The following POLA1 variants were observed in gnomAD, a reference collection of about 807,000 sequenced individuals.
POLA1 encodes the protein DNA polymerase alpha catalytic subunit.
Under a neutral mutation model 124.0 loss-of-function variants are expected in POLA1, and 15 were observed. The ratio of observed to expected loss-of-function variants is 0.12; its 90% CI spans 0.08 to 0.19. POLA1 has a LOEUF of 0.19. Ranked by LOEUF, POLA1 falls within the 10% of genes least tolerant of loss-of-function variation. POLA1 has a pLI of 1.00. For synonymous variants in POLA1, 408 were observed against 389.4 expected (o/e 1.05, Z -0.56); for missense variants, 886 against 1,103.4 (o/e 0.80, Z 2.79).
intron 26 of POLA1, among the ~76,000 whole-genome samples, chrX:24,801,421 C>T (rs927795875): frequency 9.0e-6 from 1 of 111,690 alleles, no homozygotes; most frequent in African/African-American, 3.3e-5. Context: ...TGAATTATTA[C>T]TTTGTGCCAG....
chrX:24,810,453 A>G (rs1411440424), intron 27 of POLA1, among the ~76,000 whole-genome samples: 4 of 111,315 alleles, frequency 3.6e-5, no homozygotes, highest in Non-Finnish European at 7.5e-5. Context: ...TTGAAACTAG[A>G]CACAATTCTC....
At chrX:24,796,522 G>A (rs1029124285) in intron 26 of POLA1, among the ~76,000 whole-genome samples, 2 of 110,246 alleles carry the variant, frequency 1.8e-5, no homozygotes, top group Non-Finnish European at 3.8e-5. Context: ...GAGGAATGAG[G>A]AATCAGGAGA....
intron 35 of POLA1, among the ~76,000 whole-genome samples, chrX:24,894,235 A>G (rs1366702821): frequency 1.2e-4 from 13 of 112,418 alleles, no homozygotes; most frequent in African/African-American, 4.2e-4. Flanking sequence ...TTTTCTAGGT[A>G]GTAAATTTCT....
intron 32 of POLA1, among the ~76,000 whole-genome samples, chrX:24,836,734 C>A (rs1366847706): frequency 9.0e-6 from 1 of 111,154 alleles, no homozygotes; most frequent in Non-Finnish European, 1.9e-5. Context: ...GTTCTAATTA[C>A]GAGTCTTTTG....
intron 26 of POLA1, among the ~76,000 whole-genome samples, chrX:24,758,568 G>C (rs1177315602): frequency 8.9e-6 from 1 of 112,657 alleles, no homozygotes; most frequent in Non-Finnish European, 1.9e-5. Flanking sequence ...AGAAAGACTA[G>C]GTCAAATCTT....
At chrX:24,752,025 G>T (rs2148410124) in intron 26 of POLA1, among the ~76,000 whole-genome samples, 1 of 111,761 alleles carries the variant, frequency 8.9e-6, no homozygotes, top group African/African-American at 3.2e-5. Context: ...ATAAAATTTT[G>T]CATTTGGATG....
chrX:24,706,684 C>T (rs1928831601), intron 4 of POLA1, among the ~76,000 whole-genome samples: 1 of 111,777 alleles, frequency 8.9e-6, no homozygotes, highest in African/African-American at 3.2e-5. Flanking sequence ...TACTAACAAC[C>T]TTTCTAAGTA....
At chrX:24,928,766 C>CT (rs772647674) in intron 35 of POLA1, among the ~76,000 whole-genome samples, 1 of 111,524 alleles carries the variant, frequency 9.0e-6, no homozygotes. Flanking sequence ...TGTCGTCCTC[C>CT]TTTTTTTTCC....
chrX:24,836,923 A>G (rs1453606825), intron 32 of POLA1, among the ~76,000 whole-genome samples: 1 of 111,830 alleles, frequency 8.9e-6, no homozygotes, highest in African/African-American at 3.2e-5. Context: ...CGTAGCCTGA[A>G]GGCAGTTTTA....
chrX:24,956,083 C>T (rs1490141224), intron 36 of POLA1, among the ~76,000 whole-genome samples: 1 of 108,532 alleles, frequency 9.2e-6, no homozygotes, highest in African/African-American at 3.4e-5. Context: ...CATTTGAGGC[C>T]AGGAGTTATA....
chrX:24,725,765 T>C (rs1045708670), intron 12 of POLA1, among the ~76,000 whole-genome samples: 8 of 112,239 alleles, frequency 7.1e-5, no homozygotes, highest in Non-Finnish European at 1.5e-4. Context: ...CATGCAAATA[T>C]TTCTGAGTTC....
intron 26 of POLA1, among the ~76,000 whole-genome samples, chrX:24,806,907 T>TA (rs1365720110): frequency 8.9e-6 from 1 of 111,886 alleles, no homozygotes; most frequent in East Asian, 2.8e-4. Context: ...TAGAAAAGAA[T>TA]AAGGCAGCTC....
chrX:24,902,263 T>G (rs1304401989), intron 35 of POLA1, among the ~76,000 whole-genome samples: 3 of 112,181 alleles, frequency 2.7e-5, no homozygotes, highest in Non-Finnish European at 5.6e-5. Flanking sequence ...GTAGGATCAG[T>G]AGGATATAAA....
At chrX:24,931,281 CA>C (rs759418591) in intron 36 of POLA1, among the ~76,000 whole-genome samples, 1 of 110,943 alleles carries the variant, frequency 9.0e-6, no homozygotes, top group Non-Finnish European at 1.9e-5. Flanking sequence ...TAGTTACCTA[CA>C]GAGTGTTTAT....
chrX:24,703,350 A>C lies in POLA1; in HGVS notation c.265+3A>C. The C allele has an allele frequency of 5.0e-6, 4 of 805,714 alleles. No individual in the cohort carries two copies. The highest frequency in any genetic ancestry group is 7.3e-6 in the Non-Finnish European group (4 of 548,982). 66.4% of individuals were successfully genotyped at this position (805,714 alleles called of 1,213,427 possible). On this transcript the variant is annotated splice_donor_region_variant and intron_variant, in intron 3 of 36. Transcript: ENST00000379068. ...TGATGACTGGATTGTGGATGATGGTAGGTGGGGCGGAGGTGGGGGCGGGGA... is the reference window on the plus strand; with the variant it reads ...TGATGACTGGATTGTGGATGATGGTCGGTGGGGCGGAGGTGGGGGCGGGGA...
chrX:24,857,603 T>C (rs767016537), intron 34 of POLA1, among the ~76,000 whole-genome samples: 2 of 111,917 alleles, frequency 1.8e-5, no homozygotes, highest in South Asian at 7.5e-4. Context: ...TTATGGGTCC[T>C]GTACATGTTT....
intron 36 of POLA1, among the ~76,000 whole-genome samples, chrX:24,993,439 C>T (rs1000953330): frequency 8.9e-6 from 1 of 112,306 alleles, no homozygotes; most frequent in African/African-American, 3.2e-5. Context: ...GAGGTGATGG[C>T]GTCGTTACTG....
At chrX:24,737,552 C>A (rs1931352817) in intron 18 of POLA1, 73 bp from the exon 19 acceptor site, 2 of 561,816 alleles carry the variant, frequency 3.6e-6, no homozygotes, top group Non-Finnish European at 6.2e-6. Context: ...CAAAGAAATT[C>A]TGTGCGTATG....
chrX:24,771,942 C>T (rs2045045456), intron 26 of POLA1, among the ~76,000 whole-genome samples: 2 of 111,758 alleles, frequency 1.8e-5, no homozygotes, highest in African/African-American at 6.5e-5. Context: ...CTATTTTATG[C>T]ACTTCCATCT....
Sources: allele counts gnomAD v4.1 joint callset (sites outside exome capture counted in the v4.1 genomes callset), GRCh38; gene constraint gnomAD v4.1.1; transcripts MANE v1.5; gene names NCBI Gene and HGNC (gene_info 2026-07-23, HGNC 2026-07-21).